FRY: variants seen among roughly 807,000 people sequenced by gnomAD.
FRY encodes protein furry homolog.
Under a neutral mutation model 348.4 loss-of-function variants are expected in FRY, and 128 were observed. The observed-to-expected ratio is 0.37, with a 90% confidence interval of 0.32 to 0.43. The LOEUF is 0.43. Ranked by LOEUF, FRY falls within the 20% of genes least tolerant of loss-of-function variation. The probability of loss-of-function intolerance (pLI) is 1.00; values close to 1 mark genes in which losing one functional copy is unlikely to be tolerated. For synonymous variants in FRY, 1,370 were observed against 1,374.7 expected, an observed-to-expected ratio of 1.00 and a Z score of 0.08; for missense variants, 2,736 against 3,695.2, an observed-to-expected ratio of 0.74 and a Z score of 6.73.
At chr13:32,289,407 T>A (rs1243197508) in intron 58 of FRY, among the ~76,000 whole-genome samples, 5 of 152,220 alleles carry the variant, frequency 3.3e-5, no homozygotes, top group African/African-American at 4.8e-5. Context: ...TAGGTGCTAC[T>A]CTCTAATTAG....
At chr13:32,146,389 C>T (rs972738770) in intron 11 of FRY, among the ~76,000 whole-genome samples, 3 of 152,016 alleles carry the variant, frequency 2.0e-5, no homozygotes, top group East Asian at 1.9e-4. Context: ...CAGGCTGGAG[C>T]GCAGTGGCGC....
rs376283098 is a variant in FRY at position 32,060,412 on chromosome 13, CTT to C, written c.71-18419_71-18418del. ...GTAACTATAGATTTGAATCCAATCA[CTT>C]TTCTTTGCAAGTTATGTCAACAGAT... is the stretch of plus-strand genomic sequence containing the variant. On this transcript the variant is annotated intron_variant, in intron 1 of 60. Transcript: ENST00000542859. Among the ~76,000 whole-genome samples, 581 of 152,304 alleles carry C rather than the reference CTT, an allele frequency of 3.8e-3. 3 individuals carry two copies. The highest frequency in any genetic ancestry group is 0.013 in the African/African-American group (561 of 41,564).
chr13:32,093,607 A>G (rs1205898281), intron 2 of FRY, among the ~76,000 whole-genome samples: 1 of 152,158 alleles, frequency 6.6e-6, no homozygotes, highest in Non-Finnish European at 1.5e-5. Flanking sequence ...AGACTATTTC[A>G]TACTGCTTTC....
At chr13:32,169,711 C>T (rs1421770731) in intron 17 of FRY, among the ~76,000 whole-genome samples, 1 of 152,144 alleles carries the variant, frequency 6.6e-6, no homozygotes, top group African/African-American at 2.4e-5. Context: ...CACAGCCACA[C>T]CGAACTCCAT....
chr13:32,265,329 A>C (rs1254145612), intron 53 of FRY, 121 bp from the exon 54 acceptor site: 1 of 938,474 alleles, frequency 1.1e-6, no homozygotes, highest in East Asian at 2.4e-5. Flanking sequence ...CTAGAAAACA[A>C]ATGTCCCCAT....
intron 11 of FRY, among the ~76,000 whole-genome samples, 169 bp from the exon 12 acceptor site, chr13:32,147,113 G>C (rs1880505690): frequency 6.6e-6 from 1 of 152,138 alleles, no homozygotes. Flanking sequence ...TATCCTATGA[G>C]CATTGAGAGG....
chr13:32,208,899 C>T lies in FRY; in HGVS notation c.4065C>T (p.Ile1355=). 1 of 1,614,206 alleles carries T rather than the reference C, an allele frequency of 6.2e-7. No individual in the cohort carries two copies. Among genetic ancestry groups the T allele is most frequent in the Non-Finnish European group, 8.5e-7 (1 of 1,180,026 alleles). Residue 1355 remains isoleucine, a synonymous_variant, in exon 32 of 61, where the codon ATC becomes ATT. Transcript: ENST00000542859. ...FPTTHPNGRQ[I]MLTYLLPWLH... ...CAACACACCCCAACGGGCGCCAGAT[C>T]ATGCTTACCTACCTGCTGCCCTGGC...
In FRY at chr13:32,237,060, C is replaced by G. The variant is rs1246459642; in HGVS notation, c.5811-319C>G. 6.6e-6 allele frequency among the ~76,000 whole-genome samples: 1 copy of G among 152,116 alleles called. No individual in the cohort carries two copies. Among genetic ancestry groups the G allele is most frequent in the Non-Finnish European group, 1.5e-5 (1 of 68,024 alleles). ...ACAGAATATTGAAGCTTATACCTAT[C>G]AGGTACATTTTATTTCATAATTACT... On this transcript the variant is annotated intron_variant, in intron 43 of 60. Transcript: ENST00000542859. This position sits in a 1 kb window ranked among gnomAD's most constrained non-coding sequence, Gnocchi z 6.3.
chr13:32,147,361 G>C lies in FRY; in HGVS notation c.1259G>C (p.Cys420Ser). Reference sequence around the variant, plus strand: ...TGGGTTTACATGATTCGAATTAAATGTGAAAGCAACACAGCTACTCAGAGG... The same window carrying C: ...TGGGTTTACATGATTCGAATTAAATCTGAAAGCAACACAGCTACTCAGAGG... The part of the protein sequence containing the change: ...LLWVYMIRIK[C>S]ESNTATQSRL... The change falls in exon 12 of 61, where the codon TGT becomes TCT. Residue 420 changes from cysteine to serine, a missense_variant. Transcript: ENST00000542859. 2 of 1,607,228 alleles carry C rather than the reference G, an allele frequency of 1.2e-6. No homozygotes were observed. Among genetic ancestry groups the C allele is most frequent in the Non-Finnish European group, 1.7e-6 (2 of 1,173,758 alleles).
chr13:32,231,288 G>C lies in FRY; in HGVS notation c.5515G>C (p.Asp1839His). The part of the protein sequence containing the change: ...FLRHVVSVFK[D>H]SKSGFHLEHQ... ...ACGTCACGTTGTATCTGTATTTAAAGATTCCAAATCAGGTACTTCATCTTA... is the reference window on the plus strand; with the variant it reads ...ACGTCACGTTGTATCTGTATTTAAACATTCCAAATCAGGTACTTCATCTTA... The change falls in exon 41 of 61, where the codon GAT (aspartate) becomes CAT (histidine). Residue 1839 changes from aspartate (D) to histidine (H), a missense_variant. Transcript: ENST00000542859. 1.2e-6 allele frequency: 2 copies of C among 1,613,608 alleles called. No homozygotes were observed. The highest frequency in any genetic ancestry group is 1.7e-6 in the Non-Finnish European group (2 of 1,179,592).
intron 42 of FRY, among the ~76,000 whole-genome samples, chr13:32,235,088 C>T (rs1487474497): frequency 6.6e-6 from 1 of 152,152 alleles, no homozygotes. Context: ...TTTCTGGCTG[C>T]CAACCTAGGA....
At chr13:32,279,307 G>A (rs1213655330) in intron 58 of FRY, among the ~76,000 whole-genome samples, 1 of 152,194 alleles carries the variant, frequency 6.6e-6, no homozygotes, top group Non-Finnish European at 1.5e-5. Flanking sequence ...TCTAAAATAT[G>A]AGATGAAGAG....
In FRY at chr13:32,179,890, C is replaced by A. The variant is rs1437742703; in HGVS notation, c.2996+91C>A. 6 of 1,291,680 alleles carry A rather than the reference C, an allele frequency of 4.6e-6. No individual in the cohort carries two copies. The African/African-American group carries it at 8.7e-5, about 19-fold the overall frequency. 80.0% of individuals were successfully genotyped at this position (1,291,680 alleles called of 1,614,324 possible). A position where few individuals can be genotyped will look rare whatever the true frequency, so the allele number is the denominator to read the frequency against. ...ACTCAGATTTGAGTCTGTGTGTTGG[C>A]GTGTGCCCAGAGAGTTTATAGGCTT... On this transcript the variant is annotated intron_variant, in intron 23 of 60. Transcript: ENST00000542859.
At chr13:32,233,169 G>C (rs958631304) in intron 41 of FRY, among the ~76,000 whole-genome samples, 3 of 152,120 alleles carry the variant, frequency 2.0e-5, no homozygotes, top group African/African-American at 7.2e-5. Flanking sequence ...AGGACCCTCT[G>C]TTTTCTCTGC....
At chr13:32,164,992 T>C (rs1881653208) in intron 17 of FRY, among the ~76,000 whole-genome samples, 1 of 152,230 alleles carries the variant, frequency 6.6e-6, no homozygotes, top group African/African-American at 2.4e-5. Context: ...TAGTTTATTA[T>C]TTTTAGATAT....
chr13:32,175,169 TTTAG>T (rs1263809262), intron 19 of FRY, among the ~76,000 whole-genome samples: 7 of 152,240 alleles, frequency 4.6e-5, no homozygotes, highest in Non-Finnish European at 8.8e-5. Flanking sequence ...TAAGTAGCAT[TTTAG>T]TTAGCAGTCT....
Position 32,209,570 on chromosome 13 carries a change from T to C in FRY, c.4276-15T>C. Reference sequence around the variant, plus strand: ...TTTTCACACATCTCTTGGGCCGGTTTTTATTTTGTTATAGTATGGAGATGA... The same window carrying C: ...TTTTCACACATCTCTTGGGCCGGTTCTTATTTTGTTATAGTATGGAGATGA... On this transcript the variant is annotated splice_polypyrimidine_tract_variant and intron_variant, in intron 32 of 60. Coordinates refer to ENST00000542859, the MANE Select transcript of FRY (RefSeq NM_023037.3). 1 of 1,613,952 alleles carries C rather than the reference T, an allele frequency of 6.2e-7. No individual in the cohort carries two copies. The highest frequency in any genetic ancestry group is 8.5e-7 in the Non-Finnish European group (1 of 1,179,874).
intron 48 of FRY, among the ~76,000 whole-genome samples, chr13:32,249,089 T>C (rs1487897633): frequency 6.6e-6 from 1 of 152,178 alleles, no homozygotes; most frequent in Admixed American, 6.5e-5. Context: ...ATTTGAATAA[T>C]TGAAAAGATA....
At chr13:32,186,538 C>A in intron 27 of FRY, 118 bp downstream of exon 27, 1 of 743,398 alleles carries the variant, frequency 1.3e-6, no homozygotes. Context: ...AGAATAAAAT[C>A]TAAGCGCACA....
Sources: gnomAD v4.1 joint callset for allele counts (sites outside exome capture counted in the v4.1 genomes callset) on GRCh38, gnomAD v4.1.1 for gene constraint, Gnocchi (gnomAD v3.1) non-coding constraint, MANE v1.5 for transcripts, NCBI Gene and HGNC (gene_info 2026-07-23, HGNC 2026-07-21) for gene names.